The following SPACA1 variants were observed in gnomAD, a reference collection of about 807,000 sequenced individuals.
The protein encoded by SPACA1 is sperm acrosome membrane-associated protein 1.
A neutral mutation model predicts 32.6 loss-of-function variants in SPACA1; 17 were observed. The observed-to-expected ratio is 0.52, with a 90% CI of 0.36 to 0.78. The LOEUF (loss-of-function observed/expected upper bound fraction) is 0.78, where lower values mean the gene tolerates loss of function less well. SPACA1 is among the 30% of genes least tolerant of loss of function. SPACA1 has a pLI of 0.01. For synonymous variants in SPACA1, 140 were observed against 138.1 expected (o/e 1.01, Z -0.10); for missense variants, 363 against 373.4 (o/e 0.97, Z 0.23).
intron 1 of SPACA1, among the ~76,000 whole-genome samples, chr6:88,053,234 A>G (rs1482568194): frequency 6.6e-6 from 1 of 152,188 alleles, no homozygotes; most frequent in Non-Finnish European, 1.5e-5. Context: ...TGCCTTTTGA[A>G]AGTCATCTTC....
chr6:88,060,355 C>T (rs1775874241), intron 5 of SPACA1, among the ~76,000 whole-genome samples: 1 of 152,166 alleles, frequency 6.6e-6, no homozygotes, highest in African/African-American at 2.4e-5. Context: ...TATCAAGGCT[C>T]AGGATCCTTT....
chr6:88,066,206 G>T lies in SPACA1; in HGVS notation c.756G>T (p.Gly252=), dbSNP rs1775982984. The change falls in exon 7 of 7, where the codon GGG becomes GGT. Residue 252 remains glycine, a synonymous_variant. Transcript: ENST00000237201. The stretch of plus-strand genomic sequence containing the variant: ...GGGCAGCAGTCAAGGCTTTCTGGGG[G>T]GCAAAAGCCTCTACACCTGAGGTAC... The part of the protein sequence containing the change: ...INWAAVKAFW[G]AKASTPEVQS... The T allele has an allele frequency of 6.3e-7, 1 of 1,596,908 alleles. No homozygotes were observed. Among genetic ancestry groups the T allele is most frequent in the East Asian group, 2.2e-5 (1 of 44,620 alleles).
intron 6 of SPACA1, 136 bp from the exon 7 acceptor site, chr6:88,066,046 A>G (rs1024222688): frequency 1.9e-5 from 11 of 572,764 alleles, no homozygotes; most frequent in Non-Finnish European, 2.8e-5. Flanking sequence ...ATATATTTGT[A>G]CCATATATAA....
At chr6:88,062,554 A>G (rs1056884260) in intron 5 of SPACA1, among the ~76,000 whole-genome samples, 2 of 152,220 alleles carry the variant, frequency 1.3e-5, no homozygotes, top group Non-Finnish European at 2.9e-5. Flanking sequence ...CTAGTTTACA[A>G]TGTAGCAATA....
At chr6:88,059,614 T>C (rs1386056353) in intron 5 of SPACA1, 26 bp downstream of exon 5, 1 of 1,581,734 alleles carries the variant, frequency 6.3e-7, no homozygotes, top group African/African-American at 1.4e-5. Context: ...TGTCTTGGTT[T>C]GCTTATATGC....
chr6:88,057,250 G>A (rs1204853024), intron 2 of SPACA1, among the ~76,000 whole-genome samples: 12 of 152,258 alleles, frequency 7.9e-5, no homozygotes, highest in Non-Finnish European at 4.4e-5. Flanking sequence ...AGATCAATGC[G>A]AATGTACACA....
chr6:88,066,039 T>G, intron 6 of SPACA1, 143 bp from the exon 7 acceptor site: 1 of 548,400 alleles, frequency 1.8e-6, no homozygotes, highest in Non-Finnish European at 3.0e-6. Flanking sequence ...AGGTTATATA[T>G]ATTTGTACCA....
At chr6:88,058,514 A>G (rs561837277) in intron 3 of SPACA1, among the ~76,000 whole-genome samples, 1 of 152,114 alleles carries the variant, frequency 6.6e-6, no homozygotes, top group Non-Finnish European at 1.5e-5. Flanking sequence ...TGGCATGTGC[A>G]TGTAGTCCCA....
upstream of SPACA1, among the ~76,000 whole-genome samples, chr6:88,047,309 T>C (rs898353288): frequency 6.6e-6 from 1 of 152,182 alleles, no homozygotes; most frequent in African/African-American, 2.4e-5. Flanking sequence ...ACTTGGAGTA[T>C]CAGATGATTT....
intron 5 of SPACA1, among the ~76,000 whole-genome samples, chr6:88,062,290 TAGA>T (rs1297792468): frequency 6.6e-6 from 1 of 152,218 alleles, no homozygotes; most frequent in East Asian, 1.9e-4. Flanking sequence ...ATTGCTCATA[TAGA>T]AGACTAGTTC....
At chr6:88,061,288 G>T (rs907137127) in intron 5 of SPACA1, among the ~76,000 whole-genome samples, 4 of 152,094 alleles carry the variant, frequency 2.6e-5, no homozygotes, top group Admixed American at 6.5e-5. Context: ...ATACTTTGAA[G>T]TACTCAGAAT....
At chr6:88,047,817 G>T, upstream of SPACA1, 1 of 1,294,192 alleles carries the variant, frequency 7.7e-7, no homozygotes, top group East Asian at 2.6e-5. Context: ...GGGCGGCTAC[G>T]GGCGGGGTGT....
intron 5 of SPACA1, 91 bp from the exon 6 acceptor site, chr6:88,064,008 A>C (rs1490839723): frequency 7.2e-7 from 1 of 1,391,754 alleles, no homozygotes; most frequent in East Asian, 2.4e-5. Context: ...TTATGTTTCT[A>C]GAGTTGTTTT....
At chr6:88,053,789 A>G (rs981392533) in intron 1 of SPACA1, among the ~76,000 whole-genome samples, 157 bp from the exon 2 acceptor site, 1 of 152,230 alleles carries the variant, frequency 6.6e-6, no homozygotes, top group African/African-American at 2.4e-5. Context: ...AGACAATAAC[A>G]GTACTCAGAA....
chr6:88,048,151 C>T (rs772501010), intron 1 of SPACA1, 38 bp downstream of exon 1: 1 of 1,543,630 alleles, frequency 6.5e-7, no homozygotes, highest in Admixed American at 2.0e-5. Flanking sequence ...ACGCGGAGGC[C>T]CCTGTTGACG....
chr6:88,060,628 T>C (rs1381398976), intron 5 of SPACA1, among the ~76,000 whole-genome samples: 2 of 152,236 alleles, frequency 1.3e-5, no homozygotes, highest in African/African-American at 4.8e-5. Context: ...CTAATAATCT[T>C]ATTCCTCTAT....
At chr6:88,047,800 C>G (rs899924024), upstream of SPACA1, 103 of 1,146,022 alleles carry the variant, frequency 9.0e-5, no homozygotes, top group Non-Finnish European at 1.1e-4. Flanking sequence ...TCACGGGATT[C>G]GGAGCCGGGC....
intron 1 of SPACA1, among the ~76,000 whole-genome samples, chr6:88,050,986 A>C (rs992146394): frequency 6.6e-6 from 1 of 152,104 alleles, no homozygotes; most frequent in African/African-American, 2.4e-5. Context: ...TCTCTACTAA[A>C]AATACAAAAA....
intron 1 of SPACA1, among the ~76,000 whole-genome samples, chr6:88,053,392 A>T (rs1255455767): frequency 6.6e-6 from 1 of 152,202 alleles, no homozygotes; most frequent in African/African-American, 2.4e-5. Context: ...AACAACACTT[A>T]ATTTCTTAAA....
Sources: allele counts gnomAD v4.1 joint callset (sites outside exome capture counted in the v4.1 genomes callset), GRCh38; gene constraint gnomAD v4.1.1; transcripts MANE v1.5; gene names NCBI Gene and HGNC (gene_info 2026-07-23, HGNC 2026-07-21).